TSGA10: variants seen among roughly 807,000 people sequenced by gnomAD.
TSGA10 encodes testis-specific gene 10 protein.
TSGA10 carries 43 observed loss-of-function variants against 96.6 expected under a neutral mutation model. The ratio of observed to expected loss-of-function variants is 0.44; its 90% CI spans 0.35 to 0.57. The LOEUF (loss-of-function observed/expected upper bound fraction) is 0.57, where lower values mean the gene tolerates loss of function less well. Ranked by LOEUF, TSGA10 falls within the 20% of genes least tolerant of loss-of-function variation. TSGA10 has a pLI of 0.01. For synonymous variants in TSGA10, 229 were observed against 269.9 expected (o/e 0.85, Z 1.48); for missense variants, 703 against 834.4 (o/e 0.84, Z 1.94).
intron 12 of TSGA10, among the ~76,000 whole-genome samples, chr2:99,077,562 T>C (rs1574104179): frequency 6.6e-6 from 1 of 152,106 alleles, no homozygotes; most frequent in East Asian, 1.9e-4. Context: ...CTTTTATTTA[T>C]TTTATTTATT....
chr2:99,015,314 A>T (rs1416076265), intron 20 of TSGA10, among the ~76,000 whole-genome samples: 2 of 152,202 alleles, frequency 1.3e-5, no homozygotes, highest in African/African-American at 4.8e-5. Flanking sequence ...GTTGCATACC[A>T]GGTATGCAGC....
intron 10 of TSGA10, among the ~76,000 whole-genome samples, chr2:99,093,641 C>A (rs1376897437): frequency 6.6e-6 from 1 of 151,904 alleles, no homozygotes; most frequent in Non-Finnish European, 1.5e-5. Flanking sequence ...GAACTCAACA[C>A]CTTTTTTAAT....
intron 17 of TSGA10, among the ~76,000 whole-genome samples, chr2:99,024,991 C>T (rs1256264956): frequency 6.6e-6 from 1 of 152,126 alleles, no homozygotes; most frequent in African/African-American, 2.4e-5. Flanking sequence ...ATAAACCTTA[C>T]TAGATGGTGT....
At chr2:99,101,303 T>G (rs2090704767) in intron 10 of TSGA10, among the ~76,000 whole-genome samples, 1 of 143,154 alleles carries the variant, frequency 7.0e-6, no homozygotes, top group African/African-American at 2.5e-5. Context: ...TGAATAAATC[T>G]GACTACATAA....
At chr2:99,090,765 G>C (rs2089229456) in intron 10 of TSGA10, among the ~76,000 whole-genome samples, 1 of 152,126 alleles carries the variant, frequency 6.6e-6, no homozygotes, top group African/African-American at 2.4e-5. Context: ...CTTCCAAGAA[G>C]TTTTGGATTA....
chr2:99,090,236 T>C (rs2089142801), intron 10 of TSGA10, among the ~76,000 whole-genome samples: 1 of 151,696 alleles, frequency 6.6e-6, no homozygotes, highest in Non-Finnish European at 1.5e-5. Context: ...ATCAAGGGAG[T>C]ACCCCATGGG....
Position 99,104,127 on chromosome 2 carries a change from G to T in TSGA10, c.460-9C>A, listed in dbSNP as rs2091073261. ...ATACGTTCATCATCAAGCTATACAA[G>T]TAGAATGACAAGGTTACTGCCATCA... On this transcript the variant is annotated splice_polypyrimidine_tract_variant and intron_variant, in intron 9 of 20. Coordinates refer to ENST00000393483, the MANE Select transcript of TSGA10 (RefSeq NM_025244.4). 1 of 1,612,742 alleles carries T rather than the reference G, an allele frequency of 6.2e-7. No individual in the cohort carries two copies. Among genetic ancestry groups the T allele is most frequent in the Admixed American group, 1.7e-5 (1 of 59,946 alleles).
chr2:99,105,522 C>T lies in TSGA10; in HGVS notation c.381+5G>A, dbSNP rs2091254863. 1 of 1,613,746 alleles carries T rather than the reference C, an allele frequency of 6.2e-7. No individual in the cohort carries two copies. The highest frequency in any genetic ancestry group is 1.3e-5 in the African/African-American group (1 of 75,024). On this transcript the variant is annotated splice_donor_5th_base_variant and intron_variant, in intron 8 of 20. Transcript: ENST00000393483. Reference sequence around the variant, plus strand: ...TATATTCACGTAAATAAAATCCTTTCCAACCTTTAGCCTCTCCCTTAGACT... The same window carrying T: ...TATATTCACGTAAATAAAATCCTTTTCAACCTTTAGCCTCTCCCTTAGACT...
intron 20 of TSGA10, among the ~76,000 whole-genome samples, chr2:99,015,994 G>C (rs2079485432): frequency 6.6e-6 from 1 of 152,078 alleles, no homozygotes; most frequent in African/African-American, 2.4e-5. Context: ...AAACACTGCT[G>C]AAAGAAGTCA....
At chr2:99,004,672 T>C (rs1029763463) in intron 20 of TSGA10, among the ~76,000 whole-genome samples, 4 of 151,302 alleles carry the variant, frequency 2.6e-5, no homozygotes, top group African/African-American at 9.7e-5. Context: ...CCAAAAAAAG[T>C]CCAGAACCAG....
At chr2:99,121,572 A>C (rs1012694030) in intron 2 of TSGA10, among the ~76,000 whole-genome samples, 2 of 95,116 alleles carry the variant, frequency 2.1e-5, no homozygotes, top group African/African-American at 4.0e-5. Context: ...CCTGGGTTCA[A>C]GTGATCCTCC....
intron 1 of TSGA10, among the ~76,000 whole-genome samples, chr2:99,149,246 G>A (rs74974137): frequency 0.059 from 8,989 of 151,294 alleles, 510 homozygotes; most frequent in East Asian, 0.2. Context: ...TGCTACTATA[G>A]CATCTTGGGT....
Position 99,078,245 on chromosome 2 carries a change from T to C in TSGA10, c.882+414A>G, listed in dbSNP as rs1574111604. ...GAGATCGCGCTACTGCACTCCAGCC[T>C]GGGCAAGGGAGGAAGACTCCCGTTT... On this transcript the variant is annotated intron_variant, in intron 12 of 20. Coordinates refer to ENST00000393483, the MANE Select transcript of TSGA10 (RefSeq NM_025244.4). 5.1e-5 allele frequency among the ~76,000 whole-genome samples: 6 copies of C among 116,626 alleles called. No individual in the cohort carries two copies. The South Asian group carries it at 1.4e-3, about 28-fold the overall frequency. The allele number at this position is 116,626 out of a possible 152,430, so 76.5% of individuals were successfully genotyped here.
At chr2:99,046,010 C>A (rs2104291799) in intron 16 of TSGA10, among the ~76,000 whole-genome samples, 1 of 152,250 alleles carries the variant, frequency 6.6e-6, no homozygotes, top group South Asian at 2.1e-4. Context: ...ATCAATTCAA[C>A]AAGAAGAGCC....
intron 17 of TSGA10, among the ~76,000 whole-genome samples, chr2:99,031,025 G>C (rs1435607051): frequency 6.7e-6 from 1 of 150,170 alleles, no homozygotes; most frequent in Non-Finnish European, 1.5e-5. Context: ...AAAGAGATTA[G>C]AATACCTAAA....
intron 20 of TSGA10, among the ~76,000 whole-genome samples, chr2:99,005,408 A>C (rs2078373992): frequency 6.6e-6 from 1 of 152,234 alleles, no homozygotes. Flanking sequence ...GTCTCAGCCC[A>C]AAATCTCCTT....
At chr2:99,070,009 TC>T (rs1211150346) in intron 14 of TSGA10, among the ~76,000 whole-genome samples, 10 of 152,158 alleles carry the variant, frequency 6.6e-5, no homozygotes, top group Non-Finnish European at 1.5e-4. Context: ...TTTCTCGTCT[TC>T]TGCAATACTG....
chr2:99,118,516 T>C, intron 3 of TSGA10, 35 bp downstream of exon 3: 2 of 948,464 alleles, frequency 2.1e-6, no homozygotes, highest in Non-Finnish European at 2.5e-6. Flanking sequence ...TTATTAACTT[T>C]TTAAAAAGTC....
At chr2:99,085,712 A>C (rs921772744) in intron 10 of TSGA10, among the ~76,000 whole-genome samples, 2 of 151,524 alleles carry the variant, frequency 1.3e-5, no homozygotes, top group Non-Finnish European at 2.9e-5. Context: ...AAAAAAGACA[A>C]GGAAAAAAGT....
Sources: gnomAD v4.1 joint callset for allele counts (sites outside exome capture counted in the v4.1 genomes callset) on GRCh38, gnomAD v4.1.1 for gene constraint, MANE v1.5 for transcripts, NCBI Gene and HGNC (gene_info 2026-07-23, HGNC 2026-07-21) for gene names.